Variants in NFATC2 observed in about 807,000 individuals in gnomAD.
NFATC2 encodes the protein nuclear factor of activated T cells 2, also known as nuclear factor of activated T-cells, cytoplasmic 2.
NFATC2 carries 22 observed loss-of-function variants against 87.3 expected under a neutral mutation model. The ratio of observed to expected loss-of-function variants is 0.25; its 90% CI spans 0.18 to 0.36. The LOEUF is 0.36. NFATC2 is among the 10% of genes least tolerant of loss of function. The pLI, the probability that NFATC2 is intolerant of heterozygous loss-of-function variation, is 1.00. For missense variants in NFATC2, 1,149 were observed against 1,259.1 expected (o/e 0.91, Z 1.32); for synonymous variants, 565 against 542.2 (o/e 1.04, Z -0.58).
chr20:51,432,444 C>A lies in NFATC2; in HGVS notation c.2345G>T (p.Arg782Leu), dbSNP rs1325510035. 1 of 1,572,750 alleles carries A rather than the reference C, an allele frequency of 6.4e-7. No homozygotes were observed. The highest frequency in any genetic ancestry group is 8.6e-7 in the Non-Finnish European group (1 of 1,157,598). ...GGAGCCGGCGTGCACCAGCACAGAGCGGTGAGCGTCCGCAAGGGACAGCGG... is the reference window on the plus strand; with the variant it reads ...GGAGCCGGCGTGCACCAGCACAGAGAGGTGAGCGTCCGCAAGGGACAGCGG... ...AAPLSLADAHRSVLVHAGSQG... is the reference protein window; with the variant it reads ...AAPLSLADAHLSVLVHAGSQG... Residue 782 changes from arginine (R) to leucine (L), a missense_variant, in exon 9 of 11, where the codon CGC becomes CTC. Coordinates refer to ENST00000371564, the MANE Select transcript of NFATC2 (RefSeq NM_012340.5). The surrounding 1 kb of genome is among the most constrained non-coding windows in gnomAD (Gnocchi z 4.6).
At chr20:51,488,354 C>T (rs1050813360) in intron 3 of NFATC2, among the ~76,000 whole-genome samples, 2 of 152,190 alleles carry the variant, frequency 1.3e-5, no homozygotes, top group African/African-American at 4.8e-5. Flanking sequence ...TCAACCTTCG[C>T]ACTATTGGCC....
intron 9 of NFATC2, among the ~76,000 whole-genome samples, chr20:51,427,869 C>A (rs1160097783): frequency 6.6e-6 from 1 of 152,226 alleles, no homozygotes; most frequent in Middle Eastern, 3.2e-3. Context: ...GCTTTCATTG[C>A]TGTCTGAATT....
chr20:51,425,585 G>A (rs576735070), intron 9 of NFATC2, among the ~76,000 whole-genome samples: 15 of 152,346 alleles, frequency 9.8e-5, no homozygotes, highest in African/African-American at 3.6e-4. Flanking sequence ...CGGTGACCAG[G>A]CTCCGCGTGG....
intron 2 of NFATC2, among the ~76,000 whole-genome samples, chr20:51,519,828 A>G (rs1165333108): frequency 1.3e-5 from 2 of 151,606 alleles, no homozygotes; most frequent in Non-Finnish European, 2.9e-5. Context: ...AAGCAGGAGA[A>G]TCACTTGAAC....
rs77726135 is a variant in NFATC2, at chr20:51,404,084, G to A, written c.2723-5354C>T. On this transcript the variant is annotated intron_variant, in intron 9 of 10. Transcript: ENST00000371564. The stretch of plus-strand genomic sequence containing the variant: ...ATCCCCACCGCCACACCTTTGTGTC[G>A]CTTGGCTGATGCCTAGGAGGCCCTC... Among the ~76,000 whole-genome samples, 483 of 152,216 alleles carry A rather than the reference G, an allele frequency of 3.2e-3. 2 individuals carry two copies. The highest frequency in any genetic ancestry group is 0.011 in the African/African-American group (436 of 41,474).
rs1481187898 is a variant in NFATC2 at position 51,559,322 on chromosome 20, C to A, written c.70+3238G>T. ...ACCACCTCTAGCAATAAGCCTTATA[C>A]CCTCCACATCCTCCCATATGTCTCT... On this transcript the variant is annotated intron_variant, in intron 1 of 10. Transcript: ENST00000414705. 4.6e-5 allele frequency among the ~76,000 whole-genome samples: 7 copies of A among 152,246 alleles called. No homozygotes were observed. In the East Asian group the frequency reaches 1.3e-3, roughly 29 times the overall value.
At chr20:51,433,375 G>A (rs1229268314) in intron 8 of NFATC2, among the ~76,000 whole-genome samples, 1 of 152,120 alleles carries the variant, frequency 6.6e-6, no homozygotes, top group Non-Finnish European at 1.5e-5. Context: ...AAGCACTACT[G>A]TCTCAAGCCT....
chr20:51,440,641 C>T (rs1984201278), intron 6 of NFATC2, among the ~76,000 whole-genome samples: 1 of 152,160 alleles, frequency 6.6e-6, no homozygotes, highest in Non-Finnish European at 1.5e-5. Context: ...CTTTCTTTTG[C>T]ACCCTTTTGG....
chr20:51,547,590 A>G (rs1383299439), upstream of NFATC2, among the ~76,000 whole-genome samples: 1 of 152,136 alleles, frequency 6.6e-6, no homozygotes, highest in Non-Finnish European at 1.5e-5. Flanking sequence ...CCAGGCTTGT[A>G]TATCCAATGA....
intron 2 of NFATC2, among the ~76,000 whole-genome samples, chr20:51,517,470 T>C (rs923147343): frequency 7.9e-5 from 12 of 151,868 alleles, no homozygotes; most frequent in Admixed American, 5.9e-4. Context: ...TGCATGCCTA[T>C]AGTCCCAGCT....
intron 3 of NFATC2, among the ~76,000 whole-genome samples, chr20:51,493,406 C>T (rs918620125): frequency 2.6e-5 from 4 of 152,088 alleles, no homozygotes; most frequent in African/African-American, 7.2e-5. Flanking sequence ...GGATTGGCGA[C>T]CTCACATTGC....
upstream of NFATC2, among the ~76,000 whole-genome samples, chr20:51,546,860 G>C (rs114730472): frequency 0.013 from 2,048 of 152,328 alleles, 45 homozygotes; most frequent in African/African-American, 0.045. Context: ...GTAGAAGTTA[G>C]TTAGGGAATG....
rs369906770 is a variant in NFATC2 at position 51,432,119 on chromosome 20, C to T, written c.2670G>A (p.Ala890=). 11 of 1,568,038 alleles carry T rather than the reference C, an allele frequency of 7.0e-6. No homozygotes were observed. Among genetic ancestry groups the T allele is most frequent in the Admixed American group, 1.8e-5 (1 of 56,638 alleles). Residue 890 remains alanine, a synonymous_variant, in exon 9 of 11, where the codon GCG becomes GCA. Transcript: ENST00000371564. This position sits in a 1 kb window ranked among gnomAD's most constrained non-coding sequence, Gnocchi z 4.6. ...PVSDQKEVLP[A]GVTIKQEQNL... is the part of the protein sequence containing the mutation. ...TCTGCTCCTGTTTAATGGTCACCCC[C>T]GCAGGTAATACTTCCTTTTGGTCAC...
chr20:51,393,183 T>A (rs1986568121), intron 10 of NFATC2, among the ~76,000 whole-genome samples: 1 of 152,222 alleles, frequency 6.6e-6, no homozygotes, highest in Admixed American at 6.5e-5. Flanking sequence ...AGCATGTACA[T>A]GAGAGGTCGG....
intron 8 of NFATC2, among the ~76,000 whole-genome samples, chr20:51,433,776 T>TGG (rs1983146104): frequency 6.6e-6 from 1 of 151,724 alleles, no homozygotes; most frequent in Non-Finnish European, 1.5e-5. Context: ...TGTGTGTGTG[T>TGG]GTGTGTGTGT....
chr20:51,526,015 T>C (rs1480830348), intron 1 of NFATC2, among the ~76,000 whole-genome samples: 2 of 138,602 alleles, frequency 1.4e-5, no homozygotes, highest in Non-Finnish European at 3.0e-5. Flanking sequence ...CTCAGACGCC[T>C]TGGGTTCCCT....
rs11422409 is a variant in NFATC2, at chr20:51,442,707, G to GTT, written c.1850-6948_1850-6947dup. On this transcript the variant is annotated intron_variant, in intron 6 of 10. Transcript: ENST00000371564. ...TTTTTATTATTTTTAAATAAAGTTTGTTTTTTTTTTTTTTCTTAAGAAAAA... is the reference window on the plus strand; with the variant it reads ...TTTTTATTATTTTTAAATAAAGTTTGTTTTTTTTTTTTTTTTCTTAAGAAAAA... Among the ~76,000 whole-genome samples the GTT allele has an allele frequency of 8.1e-3, 1,139 of 139,808 alleles. 14 individuals are homozygous for GTT. The highest frequency in any genetic ancestry group is 0.029 in the African/African-American group (1,027 of 35,592). 91.7% of individuals were successfully genotyped at this position (139,808 alleles called of 152,430 possible).
intron 1 of NFATC2, among the ~76,000 whole-genome samples, chr20:51,537,068 T>C (rs1046364418): frequency 5.9e-5 from 9 of 152,222 alleles, no homozygotes; most frequent in African/African-American, 2.2e-4. Context: ...GCATTCAGTG[T>C]GTTTGCTGAA....
chr20:51,395,993 G>A (rs1230625664), intron 10 of NFATC2, among the ~76,000 whole-genome samples: 1 of 141,338 alleles, frequency 7.1e-6, no homozygotes, highest in Non-Finnish European at 1.5e-5. Context: ...AACAGGCTGG[G>A]GGCCAGGATT....
Sources: allele counts gnomAD v4.1 joint callset (sites outside exome capture counted in the v4.1 genomes callset), GRCh38; gene constraint gnomAD v4.1.1; non-coding constraint Gnocchi (gnomAD v3.1); transcripts MANE v1.5; gene names NCBI Gene and HGNC (gene_info 2026-07-23, HGNC 2026-07-21).